The following KIF13A variants were observed in gnomAD, a reference collection of about 807,000 sequenced individuals.
KIF13A encodes kinesin-like protein KIF13A.
KIF13A carries 79 observed loss-of-function variants against 212.2 expected under a neutral mutation model. That is an observed-to-expected ratio of 0.37 (90% confidence interval 0.31 to 0.45). The LOEUF (loss-of-function observed/expected upper bound fraction) is 0.45. KIF13A is among the 20% of genes least tolerant of loss of function. The pLI is 1.00. For missense variants in KIF13A, 1,901 were observed against 2,209.0 expected, an observed-to-expected ratio of 0.86 and a Z score of 2.79; for synonymous variants, 789 against 808.6, an observed-to-expected ratio of 0.98 and a Z score of 0.41.
At chr6:17,833,620 CTG>C (rs1765654769) in intron 12 of KIF13A, among the ~76,000 whole-genome samples, 1 of 151,814 alleles carries the variant, frequency 6.6e-6, no homozygotes, top group Non-Finnish European at 1.5e-5. Flanking sequence ...CTTTGGGAGG[CTG>C]CGGCTGGCAG....
chr6:17,951,557 T>G lies in KIF13A; in HGVS notation c.146+35497A>C. Reference sequence around the variant, plus strand: ...AGAGTTATGTGGCTATCACCACAACTGCAGAACATTCTCAATACCCCCCTC... The same window carrying G: ...AGAGTTATGTGGCTATCACCACAACGGCAGAACATTCTCAATACCCCCCTC... On this transcript the variant is annotated intron_variant, in intron 2 of 38. Coordinates refer to ENST00000259711, the MANE Select transcript of KIF13A (RefSeq NM_022113.6). The surrounding 1 kb of genome is among the most constrained non-coding windows in gnomAD (Gnocchi z 4.9). 1 of 418,856 alleles carries G rather than the reference T, an allele frequency of 2.4e-6. No individual in the cohort carries two copies. The allele number at this position is 418,856 out of a possible 1,614,324, so 25.9% of individuals were successfully genotyped here.
chr6:17,760,502 T>C (rs978038370), downstream of KIF13A: 17 of 257,026 alleles, frequency 6.6e-5, no homozygotes, highest in Non-Finnish European at 1.2e-4. Flanking sequence ...CAGTAAGAAC[T>C]GATTAAAATT....
At chr6:17,766,644 T>A (rs1310941412) in intron 38 of KIF13A, among the ~76,000 whole-genome samples, 1 of 152,084 alleles carries the variant, frequency 6.6e-6, no homozygotes, top group Admixed American at 6.6e-5. Context: ...AGCCTCAAAC[T>A]CCTGGGCTCA....
Position 17,895,312 on chromosome 6 carries a change from G to A in KIF13A, c.159+2856C>T, listed in dbSNP as rs1772461265. Among the ~76,000 whole-genome samples, 1 of 152,102 alleles carries A rather than the reference G, an allele frequency of 6.6e-6. No individual in the cohort carries two copies. The highest frequency in any genetic ancestry group is 2.4e-5 in the African/African-American group (1 of 41,408). On this transcript the variant is annotated intron_variant, in intron 3 of 38. Transcript: ENST00000259711. This position sits in a 1 kb window ranked among gnomAD's most constrained non-coding sequence, Gnocchi z 4.4. ...TTGGCTCTTGTTCATGTCACATCTTGTCATGTACCTCCTTAACTTTGATGG... is the reference window on the plus strand; with the variant it reads ...TTGGCTCTTGTTCATGTCACATCTTATCATGTACCTCCTTAACTTTGATGG...
chr6:17,922,009 C>G (rs575915886), intron 2 of KIF13A, among the ~76,000 whole-genome samples: 2 of 152,150 alleles, frequency 1.3e-5, no homozygotes, highest in Non-Finnish European at 2.9e-5. Context: ...ATACATTGAA[C>G]TTTTAATTAA....
In KIF13A at chr6:17,777,413, T is replaced by A; in HGVS notation, c.4093-59A>T. The A allele has an allele frequency of 5.1e-6, 7 of 1,360,096 alleles. No individual in the cohort carries two copies. The highest frequency in any genetic ancestry group is 7.2e-6 in the Non-Finnish European group (7 of 972,314). 84.3% of individuals were successfully genotyped at this position (1,360,096 alleles called of 1,614,324 possible). On this transcript the variant is annotated intron_variant, in intron 33 of 38. Transcript: ENST00000259711. This position sits in a 1 kb window ranked among gnomAD's most constrained non-coding sequence, Gnocchi z 4.4. ...TTTTTTTTTCCCCAGAGACAGAGTC[T>A]CACTCTGTTGCCCAGGCTGGAGTGT...
Position 17,771,895 on chromosome 6 carries a change from G to A in KIF13A, c.4476+13C>T, listed in dbSNP as rs1759529151. On this transcript the variant is annotated intron_variant, in intron 37 of 38. Coordinates refer to ENST00000259711, the MANE Select transcript of KIF13A (RefSeq NM_022113.6). The surrounding 1 kb of genome is among the most constrained non-coding windows in gnomAD (Gnocchi z 5.4). ...GCTCTATTCTGCATAGTACAGACAA[G>A]TCAAGCATTTACCTCCTGGCTTAGA... is the stretch of plus-strand genomic sequence containing the variant. The A allele has an allele frequency of 6.2e-7, 1 of 1,613,604 alleles. No individual in the cohort carries two copies. Among genetic ancestry groups the A allele is most frequent in the Non-Finnish European group, 8.5e-7 (1 of 1,179,622 alleles).
intron 2 of KIF13A, among the ~76,000 whole-genome samples, chr6:17,986,378 T>C (rs940895904): frequency 2.0e-5 from 3 of 152,234 alleles, no homozygotes; most frequent in Non-Finnish European, 4.4e-5. Flanking sequence ...TTACCACTTT[T>C]CAAATGCAAA....
intron 16 of KIF13A, among the ~76,000 whole-genome samples, chr6:17,822,318 C>A (rs778635549): frequency 2.6e-5 from 4 of 152,134 alleles, no homozygotes; most frequent in Non-Finnish European, 4.4e-5. Context: ...GCTGGGATTA[C>A]AAGCATGAGC....
chr6:17,875,217 G>A (rs1442973040), intron 3 of KIF13A, among the ~76,000 whole-genome samples: 1 of 152,018 alleles, frequency 6.6e-6, no homozygotes, highest in East Asian at 1.9e-4. Context: ...AGTTCTTTAA[G>A]GAATCTCCAC....
At chr6:17,902,292 A>G (rs1233030630) in intron 2 of KIF13A, among the ~76,000 whole-genome samples, 1 of 152,142 alleles carries the variant, frequency 6.6e-6, no homozygotes, top group African/African-American at 2.4e-5. Flanking sequence ...TCTCCAAAAC[A>G]TCCTTGCTTT....
downstream of KIF13A, chr6:17,760,113 C>T (rs996603123): frequency 3.9e-5 from 6 of 152,138 alleles, no homozygotes; most frequent in Admixed American, 6.5e-5. Context: ...AATGGCAGCA[C>T]GTGGCTTGGT....
At chr6:17,964,227 T>C (rs746108968) in intron 2 of KIF13A, among the ~76,000 whole-genome samples, 1 of 152,210 alleles carries the variant, frequency 6.6e-6, no homozygotes, top group Non-Finnish European at 1.5e-5. Flanking sequence ...ATCAACTCTC[T>C]TCCTTCTCTT....
At chr6:17,879,401 G>T (rs1770859655) in intron 3 of KIF13A, among the ~76,000 whole-genome samples, 1 of 152,194 alleles carries the variant, frequency 6.6e-6, no homozygotes, top group Non-Finnish European at 1.5e-5. Flanking sequence ...GCATGGAGTG[G>T]ATGTAAGAAC....
rs768338454 is a variant in KIF13A, at chr6:17,787,851, C to T, written c.3286G>A (p.Glu1096Lys). The T allele has an allele frequency of 6.2e-7, 1 of 1,612,036 alleles. No individual in the cohort carries two copies. The highest frequency in any genetic ancestry group is 1.1e-5 in the South Asian group (1 of 91,022). The change falls in exon 27 of 39, where the codon GAG (glutamate) becomes AAG (lysine). Residue 1096 changes from glutamate to lysine, a missense_variant. Transcript: ENST00000259711. The surrounding 1 kb of genome is among the most constrained non-coding windows in gnomAD (Gnocchi z 4.6). ...TTAATGAGTGCATCTGACCACCTCT[C>T]CCTTACGCAGTTTAAGTCTTCTTCC... ...YQEEDLNCVR[E>K]RWSDALIKRR...
intron 2 of KIF13A, among the ~76,000 whole-genome samples, chr6:17,976,699 G>A (rs1780541066): frequency 6.6e-6 from 1 of 152,116 alleles, no homozygotes; most frequent in South Asian, 2.1e-4. Context: ...GGCAGAGGAG[G>A]CGCCGAGAGC....
At position 17,867,040 on chromosome 6, in the gene KIF13A, A is replaced by G. The variant is rs146454304; in HGVS notation, c.220+6337T>C. Among the ~76,000 whole-genome samples, 50 of 152,078 alleles carry G rather than the reference A, an allele frequency of 3.3e-4. No homozygotes were observed. The East Asian group carries it at 8.3e-3, about 25-fold the overall frequency. ...CTTCCATCTATGAAATGCCCCCTGC[A>G]TGCTAAATCACCCCAGCTGGGAGGC... On this transcript the variant is annotated intron_variant, in intron 4 of 38. Transcript: ENST00000259711.
chr6:17,951,260 T>C lies in KIF13A; in HGVS notation c.146+35794A>G. 1 of 649,386 alleles carries C rather than the reference T, an allele frequency of 1.5e-6. No individual in the cohort carries two copies. The highest frequency in any genetic ancestry group is 2.4e-6 in the Non-Finnish European group (1 of 413,154). The allele number at this position is 649,386 out of a possible 1,614,324, so 40.2% of individuals were successfully genotyped here. ...CTCCTGCCTCAGTCTCCTGAGTAGC[T>C]GGGACCACAGGTATGCGCCACCACG... On this transcript the variant is annotated intron_variant, in intron 2 of 38. Transcript: ENST00000259711. This position sits in a 1 kb window ranked among gnomAD's most constrained non-coding sequence, Gnocchi z 4.9.
chr6:17,940,174 T>TCCA (rs1356020638), intron 2 of KIF13A, among the ~76,000 whole-genome samples: 3 of 151,450 alleles, frequency 2.0e-5, no homozygotes, highest in African/African-American at 7.3e-5. Flanking sequence ...TTCCTCCTCC[T>TCCA]CCTCCTCCTT....
Sources: gnomAD v4.1 joint callset for allele counts (sites outside exome capture counted in the v4.1 genomes callset) on GRCh38, gnomAD v4.1.1 for gene constraint, Gnocchi (gnomAD v3.1) non-coding constraint, MANE v1.5 for transcripts, NCBI Gene and HGNC (gene_info 2026-07-23, HGNC 2026-07-21) for gene names.